The following DLEU7 variants were observed in gnomAD, a reference collection of about 807,000 sequenced individuals.
DLEU7 encodes the protein deleted in lymphocytic leukemia 7, also known as leukemia-associated protein 7.
A neutral mutation model predicts 16.0 loss-of-function variants in DLEU7; 17 were observed. The observed-to-expected ratio is 1.06, with a 90% CI of 0.73 to 1.59. The LOEUF (loss-of-function observed/expected upper bound fraction) is 1.59, where lower values mean the gene tolerates loss of function less well. Ranked by LOEUF, DLEU7 falls within the 40% of genes most tolerant of loss-of-function variation. The probability of loss-of-function intolerance (pLI) is 0.00; values close to 1 mark genes in which losing one functional copy is unlikely to be tolerated. For synonymous variants in DLEU7, 113 were observed against 139.8 expected, an observed-to-expected ratio of 0.81 and a Z score of 1.35; for missense variants, 308 against 314.9, an observed-to-expected ratio of 0.98 and a Z score of 0.17.
At chr13:50,821,705 A>G (rs1876910026), downstream of DLEU7, among the ~76,000 whole-genome samples, 1 of 150,200 alleles carries the variant, frequency 6.7e-6, no homozygotes, top group East Asian at 2.0e-4. Flanking sequence ...AGAAAATAAA[A>G]AATGTTCACT....
At chr13:50,793,208 G>A (rs1409534932) in intron 1 of DLEU7, among the ~76,000 whole-genome samples, 1 of 151,946 alleles carries the variant, frequency 6.6e-6, no homozygotes, top group East Asian at 1.9e-4. Flanking sequence ...AGGACATGAT[G>A]TCATTCTTTT....
intron 1 of DLEU7, among the ~76,000 whole-genome samples, chr13:50,744,988 C>A (rs1874353696): frequency 6.6e-6 from 1 of 152,056 alleles, no homozygotes; most frequent in Admixed American, 6.6e-5. Context: ...ATGGTGCAGC[C>A]ATTATGGAAA....
At chr13:50,807,067 A>C (rs1379711102) in intron 1 of DLEU7, among the ~76,000 whole-genome samples, 1 of 151,638 alleles carries the variant, frequency 6.6e-6, no homozygotes, top group Non-Finnish European at 1.5e-5. Flanking sequence ...ACTTTAGTAA[A>C]GAAGTACTAA....
chr13:50,734,928 C>T (rs1048488872), intron 1 of DLEU7, among the ~76,000 whole-genome samples: 1 of 152,076 alleles, frequency 6.6e-6, no homozygotes. Context: ...TTTAAAGAGA[C>T]AGGTAGATTA....
chr13:50,747,334 G>C (rs1177139775), intron 1 of DLEU7, among the ~76,000 whole-genome samples: 2 of 79,010 alleles, frequency 2.5e-5, no homozygotes, highest in East Asian at 3.7e-4. Context: ...GAAAAACTCT[G>C]TGTGTGTGTG....
chr13:50,824,819 A>G (rs1317283742), intron 1 of DLEU7, among the ~76,000 whole-genome samples: 1 of 152,246 alleles, frequency 6.6e-6, no homozygotes, highest in Non-Finnish European at 1.5e-5. Context: ...GCCCTACAAT[A>G]GTATTTGCAT....
At chr13:50,753,167 T>A (rs576125179) in intron 1 of DLEU7, among the ~76,000 whole-genome samples, 1 of 152,170 alleles carries the variant, frequency 6.6e-6, no homozygotes. Context: ...AGAGTGCCGA[T>A]TGGTGTATTT....
intron 1 of DLEU7, among the ~76,000 whole-genome samples, chr13:50,714,209 T>G (rs1000967126): frequency 6.6e-6 from 1 of 152,210 alleles, no homozygotes; most frequent in Non-Finnish European, 1.5e-5. Context: ...CTGCCTTGGA[T>G]CCCGCCATGC....
rs368810983 is a variant in DLEU7 at position 50,799,160 on chromosome 13, A to G, written c.459+44028T>C. Among the ~76,000 whole-genome samples, 4 of 152,314 alleles carry G rather than the reference A, an allele frequency of 2.6e-5. No individual in the cohort carries two copies. In the East Asian group the frequency reaches 5.8e-4, roughly 22 times the overall value. On this transcript the variant is annotated intron_variant, in intron 1 of 1. Transcript: ENST00000400393. The stretch of plus-strand genomic sequence containing the variant: ...AGCTTTGCCTTGGTTGGGGTAGGGC[A>G]GTGGACTGGTGAAGAAGTAACAGTT...
intron 1 of DLEU7, among the ~76,000 whole-genome samples, chr13:50,802,088 A>G (rs1876264666): frequency 6.8e-6 from 1 of 147,310 alleles, no homozygotes; most frequent in Non-Finnish European, 1.5e-5. Context: ...GGAGAGAGAC[A>G]AGGCAAAATG....
intron 1 of DLEU7, among the ~76,000 whole-genome samples, chr13:50,716,991 A>C (rs1593525001): frequency 6.6e-6 from 1 of 152,230 alleles, no homozygotes; most frequent in Non-Finnish European, 1.5e-5. Context: ...AATTTAAACC[A>C]ATACAATTCA....
At chr13:50,783,155 C>T (rs985684112) in intron 1 of DLEU7, among the ~76,000 whole-genome samples, 1 of 152,188 alleles carries the variant, frequency 6.6e-6, no homozygotes, top group African/African-American at 2.4e-5. Context: ...CTCCATTTCT[C>T]AGGGGGCCCA....
intron 1 of DLEU7, among the ~76,000 whole-genome samples, chr13:50,725,434 C>T (rs992874654): frequency 1.3e-5 from 2 of 152,176 alleles, no homozygotes; most frequent in Non-Finnish European, 2.9e-5. Context: ...CTCCTTTAGT[C>T]AAGACAGGCT....
At chr13:50,719,833 A>G (rs1423236843) in intron 1 of DLEU7, 1 of 152,188 alleles carries the variant, frequency 6.6e-6, no homozygotes, top group African/African-American at 2.4e-5. Context: ...AATGAATTGA[A>G]TATAGTCACT....
chr13:50,754,879 G>A (rs1303811479), intron 1 of DLEU7, among the ~76,000 whole-genome samples: 1 of 152,176 alleles, frequency 6.6e-6, no homozygotes, highest in Non-Finnish European at 1.5e-5. Flanking sequence ...TGTTGTAGTG[G>A]TTTGGTAGTG....
In DLEU7 at chr13:50,726,315, C is replaced by G. The variant is rs1217676695; in HGVS notation, c.460-13075G>C. On this transcript the variant is annotated intron_variant, in intron 1 of 1. Transcript: ENST00000400393. The surrounding 1 kb of genome is among the most constrained non-coding windows in gnomAD (Gnocchi z 4.0). The stretch of plus-strand genomic sequence containing the variant: ...CCTTTTTCTGTTTTTCTAGCTCCCC[C>G]ACCCACCCCTCCTCAGCTGACAGTT... Among the ~76,000 whole-genome samples the G allele has an allele frequency of 6.6e-6, 1 of 152,064 alleles. No homozygotes were observed. Among genetic ancestry groups the G allele is most frequent in the Non-Finnish European group, 1.5e-5 (1 of 68,006 alleles).
At chr13:50,752,197 G>A (rs1198969502) in intron 1 of DLEU7, among the ~76,000 whole-genome samples, 9 of 151,618 alleles carry the variant, frequency 5.9e-5, no homozygotes, top group Non-Finnish European at 7.4e-5. Context: ...GACTACAGGC[G>A]CCCACCACTA....
intron 1 of DLEU7, among the ~76,000 whole-genome samples, chr13:50,737,201 C>T (rs891678994): frequency 1.3e-5 from 2 of 152,074 alleles, no homozygotes; most frequent in South Asian, 4.1e-4. Flanking sequence ...ACTGATATCT[C>T]TCATGCACAT....
At chr13:50,743,136 AAGAGAGAGAG>A (rs35675993) in intron 1 of DLEU7, among the ~76,000 whole-genome samples, 3 of 150,150 alleles carry the variant, frequency 2.0e-5, no homozygotes, top group Non-Finnish European at 4.5e-5. Context: ...CTGTAAGAAA[AAGAGAGAGAG>A]AGAGAGAGAG....
Sources: allele counts gnomAD v4.1 joint callset (sites outside exome capture counted in the v4.1 genomes callset), GRCh38; gene constraint gnomAD v4.1.1; non-coding constraint Gnocchi (gnomAD v3.1); transcripts MANE v1.5; gene names NCBI Gene and HGNC (gene_info 2026-07-23, HGNC 2026-07-21).